The following MYL5 variants were observed in gnomAD, a reference collection of about 807,000 sequenced individuals.
MYL5 encodes myosin light chain 5.
MYL5 carries 28 observed loss-of-function variants against 20.8 expected under a neutral mutation model. The observed-to-expected ratio is 1.35, with a 90% CI of 1.00 to 1.84. The LOEUF is 1.84. MYL5 is among the 40% of genes most tolerant of loss of function. The pLI is 0.00. For synonymous variants in MYL5, 118 were observed against 87.4 expected (o/e 1.35, Z -1.95); for missense variants, 274 against 227.3 (o/e 1.21, Z -1.32).
At chr4:678,547 C>G (rs76067323) in intron 1 of MYL5, 111 bp from the exon 4 acceptor site, 5 of 1,475,346 alleles carry the variant, frequency 3.4e-6, no homozygotes, top group Non-Finnish European at 4.5e-6. Flanking sequence ...CCCTCCAGCC[C>G]GAAGGGCTGA....
chr4:681,042 G>A, intron 5 of MYL5, 50 bp from the exon 8 acceptor site: 1 of 1,560,162 alleles, frequency 6.4e-7, no homozygotes, highest in Non-Finnish European at 8.7e-7. Flanking sequence ...CACCGAGAAG[G>A]CTCCTGCACC....
intron 1 of MYL5, 30 bp from the exon 4 acceptor site, chr4:678,628 G>A: frequency 6.3e-7 from 1 of 1,584,774 alleles, no homozygotes; most frequent in Non-Finnish European, 8.6e-7. Context: ...AGCCAGCCCA[G>A]GACCCTCAGC....
At chr4:678,122 C>T (rs138466690) in intron 1 of MYL5, 93 bp downstream of exon 3, 40 of 1,570,454 alleles carry the variant, frequency 2.5e-5, no homozygotes, top group South Asian at 1.3e-4. Context: ...TGGGCGTGTC[C>T]GTGCTTGCGT....
At chr4:677,843 T>G (rs1577328568), upstream of MYL5, 6 of 939,934 alleles carry the variant, frequency 6.4e-6, no homozygotes, top group East Asian at 5.1e-5. Flanking sequence ...AGGGCAAGGG[T>G]GTGAGTCACT....
At chr4:679,108 G>C in intron 3 of MYL5, 75 bp downstream of exon 5, 1 of 1,265,342 alleles carries the variant, frequency 7.9e-7, no homozygotes. Flanking sequence ...CAGACGCCGC[G>C]GCCCCTCCTC....
intron 4 of MYL5, 50 bp downstream of exon 6, chr4:680,068 T>G: frequency 7.0e-7 from 1 of 1,429,856 alleles, no homozygotes; most frequent in South Asian, 1.2e-5. Flanking sequence ...TCCTAACAGT[T>G]AGAGATCCGG....
Position 678,904 on chromosome 4 carries a change from C to T in MYL5, c.112-54C>T, listed in dbSNP as rs186928809. ...GTGCTGAGGAACCGGGAGCAGGGGGCGGGGCAGAGCCCAGCCGGGTTGGCA... is the reference window on the plus strand; with the variant it reads ...GTGCTGAGGAACCGGGAGCAGGGGGTGGGGCAGAGCCCAGCCGGGTTGGCA... On this transcript the variant is annotated intron_variant, in intron 2 of 6. Transcript: ENST00000400159. The T allele has an allele frequency of 2.0e-3, 3,287 of 1,608,132 alleles. 6 individuals carry two copies. Among genetic ancestry groups the T allele is most frequent in the Non-Finnish European group, 2.7e-3 (3,157 of 1,175,530 alleles).
chr4:677,879 A>G (rs900414997), upstream of MYL5: 10 of 1,372,506 alleles, frequency 7.3e-6, no homozygotes, highest in African/African-American at 1.4e-4. Flanking sequence ...CTCACTCTGC[A>G]GCTGTCCAGT....
intron 3 of MYL5, among the ~76,000 whole-genome samples, chr4:679,420 G>A (rs535639622): frequency 1.3e-5 from 2 of 151,980 alleles, no homozygotes; most frequent in African/African-American, 2.4e-5. Flanking sequence ...GACAGAGGGC[G>A]TGGAGACGCT....
upstream of MYL5, chr4:674,551 C>T (rs1024038959): frequency 2.1e-6 from 1 of 470,592 alleles, no homozygotes; most frequent in Non-Finnish European, 3.8e-6. Flanking sequence ...CCTTTCCCCG[C>T]AGGGCTGGGG....
chr4:678,124 T>A (rs1004738705), intron 1 of MYL5, 95 bp downstream of exon 3: 1 of 1,569,050 alleles, frequency 6.4e-7, no homozygotes, highest in Non-Finnish European at 8.6e-7. Context: ...GGCGTGTCCG[T>A]GCTTGCGTGT....
At chr4:679,105 C>G (rs548185628) in intron 3 of MYL5, 72 bp downstream of exon 5, 1 of 1,275,600 alleles carries the variant, frequency 7.8e-7, no homozygotes, top group South Asian at 1.3e-5. Flanking sequence ...CTCCAGACGC[C>G]GCGGCCCCTC....
intron 6 of MYL5, among the ~76,000 whole-genome samples, 196 bp downstream of exon 8, chr4:681,336 A>T (rs886910276): frequency 6.7e-6 from 1 of 149,450 alleles, no homozygotes; most frequent in Non-Finnish European, 1.5e-5. Context: ...GCGGTTGGAG[A>T]CCCCTCCCCT....
At chr4:680,883 T>G in intron 5 of MYL5, 1 of 654,806 alleles carries the variant, frequency 1.5e-6, no homozygotes, top group African/African-American at 1.8e-5. Context: ...GTAACCTCCT[T>G]CCGGCTCTGT....
chr4:677,834 G>A, upstream of MYL5: 1 of 875,804 alleles, frequency 1.1e-6, no homozygotes, highest in Admixed American at 2.0e-5. Flanking sequence ...GGGTGAGGCA[G>A]GGCAAGGGTG....
Position 680,027 on chromosome 4 carries a change from C to G in MYL5, c.292+9C>G, listed in dbSNP as rs372492569. On this transcript the variant is annotated intron_variant, in intron 4 of 6. Transcript: ENST00000400159. ...TGGGGAGAAGCTGAGCGGTGAGCAC[C>G]GGTGGGGCAGGCCTGGCCCTCCTAG... The G allele has an allele frequency of 1.2e-6, 2 of 1,605,210 alleles. No homozygotes were observed. The highest frequency in any genetic ancestry group is 1.7e-6 in the Non-Finnish European group (2 of 1,174,652).
At position 682,004 on chromosome 4, in the gene MYL5, G is replaced by T. The variant is rs200078959; in HGVS notation, c.*10G>T. 2.8e-6 allele frequency: 4 copies of T among 1,421,932 alleles called. No individual in the cohort carries two copies. Among genetic ancestry groups the T allele is most frequent in the Non-Finnish European group, 3.7e-6 (4 of 1,073,848 alleles). The allele number at this position is 1,421,932 out of a possible 1,614,324, so 88.1% of individuals were successfully genotyped here. On this transcript the variant is annotated 3_prime_UTR_variant, in exon 7 of 7. Coordinates refer to ENST00000400159, the Ensembl canonical transcript of MYL5. ...GGAGAAGGAGGAGTGAGACCCAGCC[G>T]GGTCAATAAACCTGGACGCTTGGAC...
At chr4:681,162 C>T in intron 6 of MYL5, 22 bp downstream of exon 8, 4 of 1,598,370 alleles carry the variant, frequency 2.5e-6, no homozygotes, top group Non-Finnish European at 3.4e-6. Flanking sequence ...GGCTTCCCTG[C>T]CAAGCCCACG....
At chr4:680,758 C>A in intron 5 of MYL5, 171 bp downstream of exon 7, 1 of 712,650 alleles carries the variant, frequency 1.4e-6, no homozygotes, top group Non-Finnish European at 2.3e-6. Context: ...GAGGCCAGCC[C>A]TGCTCACACA....
Sources: gnomAD v4.1 joint callset for allele counts (sites outside exome capture counted in the v4.1 genomes callset) on GRCh38, gnomAD v4.1.1 for gene constraint, MANE v1.5 for transcripts, NCBI Gene and HGNC (gene_info 2026-07-23, HGNC 2026-07-21) for gene names.